The following NRG1 variants were observed in gnomAD, a reference collection of about 807,000 sequenced individuals.
NRG1 encodes the protein neuregulin 1.
In NRG1, 18 loss-of-function variants were observed where a neutral mutation model predicts 63.8. That is an observed-to-expected ratio of 0.28 (90% CI 0.19 to 0.42). The LOEUF (loss-of-function observed/expected upper bound fraction) is 0.42. Among genes scored for constraint, NRG1 ranks in the 10% least tolerant of loss-of-function variants. NRG1 has a pLI of 1.00. For missense variants in NRG1, 762 were observed against 814.7 expected (o/e 0.94, Z 0.79); for synonymous variants, 302 against 301.3 (o/e 1.00, Z -0.02).
At chr8:32,020,761 G>T (rs1439239220) in intron 1 of NRG1, among the ~76,000 whole-genome samples, 1 of 152,092 alleles carries the variant, frequency 6.6e-6, no homozygotes, top group Non-Finnish European at 1.5e-5. Flanking sequence ...GAATACCTTT[G>T]TATTTCACTT....
At chr8:32,749,743 A>T in intron 7 of NRG1, 1 of 701,882 alleles carries the variant, frequency 1.4e-6, no homozygotes, top group African/African-American at 1.8e-5. Flanking sequence ...CCTTCAATCT[A>T]TGATTAGTTT....
chr8:32,685,275 T>C (rs1459519300), intron 5 of NRG1, among the ~76,000 whole-genome samples: 1 of 152,178 alleles, frequency 6.6e-6, no homozygotes, highest in Non-Finnish European at 1.5e-5. Flanking sequence ...TCTGCCACCA[T>C]CACTGGTTTA....
chr8:32,662,065 A>G (rs758995694), intron 5 of NRG1, among the ~76,000 whole-genome samples: 2 of 152,206 alleles, frequency 1.3e-5, no homozygotes, highest in Non-Finnish European at 2.9e-5. Flanking sequence ...TCCCAGTTAT[A>G]CTGATTTGAT....
rs150161734 is a variant in NRG1, at chr8:32,136,922, C to T, written c.38-458906C>T. ...TTAATAGTACTTGGCTAAGCACAGA[C>T]GATCAACAACACTTAATTAATGAAA... On this transcript the variant is annotated intron_variant, in intron 1 of 10. Coordinates refer to the NRG1 transcript ENST00000519301. Among the ~76,000 whole-genome samples, 81 of 152,208 alleles carry T rather than the reference C, an allele frequency of 5.3e-4. 1 individual carries two copies. In the East Asian group the frequency reaches 0.015, roughly 28 times the overall value.
intron 1 of NRG1, among the ~76,000 whole-genome samples, chr8:31,708,617 T>A (rs1335768399): frequency 6.6e-6 from 1 of 151,494 alleles, no homozygotes; most frequent in Non-Finnish European, 1.5e-5. Flanking sequence ...GGCTAATTTT[T>A]TGTATTTTTA....
At chr8:31,868,436 G>A (rs1829184419) in intron 1 of NRG1, among the ~76,000 whole-genome samples, 1 of 152,126 alleles carries the variant, frequency 6.6e-6, no homozygotes, top group African/African-American at 2.4e-5. Context: ...AGGCAGGCAA[G>A]CCCACCTCTG....
chr8:31,703,327 T>C (rs183313201), intron 1 of NRG1, among the ~76,000 whole-genome samples: 2 of 152,090 alleles, frequency 1.3e-5, no homozygotes, highest in African/African-American at 4.8e-5. Flanking sequence ...AGCAGATGTT[T>C]ATTCCTAAGC....
intron 1 of NRG1, among the ~76,000 whole-genome samples, chr8:32,096,472 A>G (rs1829920889): frequency 6.6e-6 from 1 of 152,198 alleles, no homozygotes; most frequent in Non-Finnish European, 1.5e-5. Flanking sequence ...AATATAAAAT[A>G]TATTATTGTT....
intron 1 of NRG1, among the ~76,000 whole-genome samples, chr8:31,731,287 C>G (rs571252941): frequency 1.3e-5 from 2 of 152,114 alleles, no homozygotes; most frequent in South Asian, 4.2e-4. Context: ...GTCCACATGT[C>G]CAACTGAAGA....
intron 1 of NRG1, among the ~76,000 whole-genome samples, chr8:32,344,381 T>TCTTC (rs1563338245): frequency 1.1e-5 from 1 of 90,110 alleles, no homozygotes; most frequent in Non-Finnish European, 2.4e-5. Flanking sequence ...TTTCTTTCTT[T>TCTTC]CTCTTTCTTT....
intron 1 of NRG1, among the ~76,000 whole-genome samples, chr8:31,851,053 G>C (rs1586803265): frequency 6.6e-6 from 1 of 152,250 alleles, no homozygotes; most frequent in East Asian, 1.9e-4. Context: ...GGAAGTAAGG[G>C]GTTCAGAATG....
At chr8:31,747,342 T>C (rs1054305192) in intron 1 of NRG1, among the ~76,000 whole-genome samples, 1 of 151,934 alleles carries the variant, frequency 6.6e-6, no homozygotes, top group African/African-American at 2.4e-5. Flanking sequence ...TTGTGGGATT[T>C]CACACAAGGC....
At chr8:32,333,928 A>G (rs1419458071) in intron 1 of NRG1, among the ~76,000 whole-genome samples, 1 of 152,150 alleles carries the variant, frequency 6.6e-6, no homozygotes, top group Non-Finnish European at 1.5e-5. Flanking sequence ...TAGGAATAAC[A>G]TTTCCATCTC....
chr8:31,980,182 A>C (rs1808849035), intron 1 of NRG1, among the ~76,000 whole-genome samples: 1 of 152,010 alleles, frequency 6.6e-6, no homozygotes, highest in South Asian at 2.1e-4. Context: ...TAACAGCTTT[A>C]ATGAATGAAA....
exon 12 of NRG1, chr8:32,765,202 G>T (rs1037637576): frequency 2.0e-5 from 3 of 152,084 alleles, no homozygotes; most frequent in Non-Finnish European, 4.4e-5. Context: ...AGAGGACTGA[G>T]TGTCACTTTC....
intron 5 of NRG1, among the ~76,000 whole-genome samples, chr8:32,721,386 G>T (rs901664514): frequency 2.6e-5 from 4 of 152,142 alleles, no homozygotes; most frequent in Non-Finnish European, 5.9e-5. Context: ...GTGTCACCTT[G>T]TAGGAAGTCT....
intron 1 of NRG1, among the ~76,000 whole-genome samples, chr8:32,472,598 A>G (rs544374451): frequency 5.9e-5 from 9 of 152,338 alleles, no homozygotes; most frequent in African/African-American, 2.2e-4. Context: ...TGGTTGGAAG[A>G]CGATTTTTGT....
At chr8:32,548,686 C>T in exon 1 of NRG1, 1 of 1,550,398 alleles carries the variant, frequency 6.4e-7, no homozygotes, top group East Asian at 2.4e-5. Flanking sequence ...AACTCGCCTG[C>T]GCCGAGAGCC....
chr8:31,979,047 G>A (rs1398130972), intron 1 of NRG1, among the ~76,000 whole-genome samples: 2 of 152,130 alleles, frequency 1.3e-5, no homozygotes, highest in East Asian at 3.9e-4. Context: ...TGATATTCAA[G>A]GTCTTCCCAG....
Sources: allele counts gnomAD v4.1 joint callset (sites outside exome capture counted in the v4.1 genomes callset), GRCh38; gene constraint gnomAD v4.1.1; transcripts MANE v1.5; gene names NCBI Gene and HGNC (gene_info 2026-07-23, HGNC 2026-07-21).